Variants in ATRNL1 observed in about 807,000 individuals in gnomAD.
ATRNL1 encodes the protein attractin-like protein 1.
ATRNL1 carries 95 observed loss-of-function variants against 182.7 expected under a neutral mutation model. The observed-to-expected ratio is 0.52, with a 90% CI of 0.44 to 0.62. The LOEUF (loss-of-function observed/expected upper bound fraction) is 0.62. ATRNL1 is among the 20% of genes least tolerant of loss of function. The pLI is 0.00. For synonymous variants in ATRNL1, 576 were observed against 568.3 expected, an observed-to-expected ratio of 1.01 and a Z score of -0.19; for missense variants, 1,471 against 1,679.5, an observed-to-expected ratio of 0.88 and a Z score of 2.17.
chr10:115,097,154 G>C (rs1231744070), intron 1 of ATRNL1, among the ~76,000 whole-genome samples: 1 of 151,990 alleles, frequency 6.6e-6, no homozygotes, highest in African/African-American at 2.4e-5. Flanking sequence ...ACCCCTCTTA[G>C]GTTAGTCAAA....
At chr10:115,231,988 G>A (rs1244084432) in intron 9 of ATRNL1, among the ~76,000 whole-genome samples, 1 of 152,084 alleles carries the variant, frequency 6.6e-6, no homozygotes, top group Non-Finnish European at 1.5e-5. Flanking sequence ...CTTAATGTGC[G>A]AACGCAGAGT....
intron 19 of ATRNL1, among the ~76,000 whole-genome samples, chr10:115,388,598 T>C (rs1554953280): frequency 6.6e-6 from 1 of 152,062 alleles, no homozygotes; most frequent in East Asian, 1.9e-4. Flanking sequence ...AAGTTAAGCC[T>C]ATTCATCTTC....
intron 19 of ATRNL1, among the ~76,000 whole-genome samples, chr10:115,383,399 G>A (rs931567540): frequency 1.3e-5 from 2 of 151,632 alleles, no homozygotes; most frequent in African/African-American, 4.8e-5. Flanking sequence ...GGGTCTGTAT[G>A]GTTTGTGTCT....
chr10:115,709,254 G>C (rs542536488), intron 26 of ATRNL1, among the ~76,000 whole-genome samples: 1 of 151,756 alleles, frequency 6.6e-6, no homozygotes, highest in Non-Finnish European at 1.5e-5. Flanking sequence ...AAGAAAGCCC[G>C]AAACACTCAC....
At chr10:115,817,856 A>T (rs991812415) in intron 27 of ATRNL1, among the ~76,000 whole-genome samples, 3 of 143,896 alleles carry the variant, frequency 2.1e-5, no homozygotes, top group African/African-American at 5.2e-5. Context: ...ATTTTAGCAT[A>T]TGGCTTTGAT....
chr10:115,773,850 G>A (rs1195447139), intron 27 of ATRNL1, among the ~76,000 whole-genome samples: 2 of 152,062 alleles, frequency 1.3e-5, no homozygotes, highest in Non-Finnish European at 2.9e-5. Context: ...TGGGTTAATT[G>A]GAGGCTTTGC....
At chr10:115,831,767 G>GTCT (rs5788116) in intron 27 of ATRNL1, among the ~76,000 whole-genome samples, 174 of 136,636 alleles carry the variant, frequency 1.3e-3, no homozygotes, top group Admixed American at 1.2e-3. Context: ...AGTCAAGTGA[G>GTCT]TTTTTTTTTT....
intron 27 of ATRNL1, among the ~76,000 whole-genome samples, chr10:115,752,072 A>G (rs1948463895): frequency 1.3e-5 from 2 of 152,056 alleles, no homozygotes; most frequent in Admixed American, 6.6e-5. Flanking sequence ...TGCACAAGTT[A>G]GAATTAATAT....
intron 27 of ATRNL1, among the ~76,000 whole-genome samples, chr10:115,846,312 C>A (rs1195564368): frequency 6.6e-6 from 1 of 151,896 alleles, no homozygotes; most frequent in African/African-American, 2.4e-5. Flanking sequence ...TCCTTTATAA[C>A]CACATAAAAC....
chr10:115,114,443 G>A (rs1293479740), intron 1 of ATRNL1, among the ~76,000 whole-genome samples: 3 of 152,130 alleles, frequency 2.0e-5, no homozygotes, highest in African/African-American at 7.2e-5. Flanking sequence ...ATAACAGAGT[G>A]AAGAGACAAC....
intron 24 of ATRNL1, among the ~76,000 whole-genome samples, chr10:115,481,682 A>G (rs1399342763): frequency 6.6e-6 from 1 of 150,776 alleles, no homozygotes; most frequent in Non-Finnish European, 1.5e-5. Context: ...TCTATTTATA[A>G]AATATTTACT....
intron 24 of ATRNL1, among the ~76,000 whole-genome samples, chr10:115,502,704 C>T (rs1849905997): frequency 6.6e-6 from 1 of 151,906 alleles, no homozygotes; most frequent in South Asian, 2.1e-4. Flanking sequence ...CTTAATGTGC[C>T]TTTGACATTA....
At chr10:115,333,542 G>C (rs1328936753) in intron 18 of ATRNL1, among the ~76,000 whole-genome samples, 1 of 145,280 alleles carries the variant, frequency 6.9e-6, no homozygotes, top group Non-Finnish European at 1.5e-5. Flanking sequence ...GGAGTGCACT[G>C]GCACGATCTC....
At chr10:115,611,709 T>C (rs1326507886) in intron 26 of ATRNL1, among the ~76,000 whole-genome samples, 1 of 152,132 alleles carries the variant, frequency 6.6e-6, no homozygotes, top group Non-Finnish European at 1.5e-5. Context: ...TTATTAATAT[T>C]AAGATGATTA....
intron 26 of ATRNL1, among the ~76,000 whole-genome samples, chr10:115,615,275 T>C (rs927535498): frequency 6.6e-6 from 1 of 150,640 alleles, no homozygotes; most frequent in Admixed American, 6.6e-5. Context: ...TTTTAAATAA[T>C]ATCTTGTAGG....
At chr10:115,168,026 ACTTT>A (rs1417695290) in intron 7 of ATRNL1, among the ~76,000 whole-genome samples, 3 of 152,066 alleles carry the variant, frequency 2.0e-5, no homozygotes, top group Non-Finnish European at 4.4e-5. Flanking sequence ...TCACAAAGCT[ACTTT>A]CTTTCTCTAT....
At chr10:115,607,109 A>T (rs1856914265) in intron 26 of ATRNL1, among the ~76,000 whole-genome samples, 1 of 151,946 alleles carries the variant, frequency 6.6e-6, no homozygotes, top group Admixed American at 6.6e-5. Flanking sequence ...TAATCAATAT[A>T]TTTTTCATCT....
intron 27 of ATRNL1, among the ~76,000 whole-genome samples, chr10:115,792,785 A>C (rs1345284949): frequency 6.6e-6 from 1 of 151,994 alleles, no homozygotes; most frequent in Non-Finnish European, 1.5e-5. Flanking sequence ...TGATAGCTAA[A>C]ATTATTATAT....
chr10:115,323,416 TCC>T (rs1564913744), intron 18 of ATRNL1, among the ~76,000 whole-genome samples: 1 of 44,314 alleles, frequency 2.3e-5, no homozygotes, highest in African/African-American at 7.4e-5. Flanking sequence ...TCCCCTCCCC[TCC>T]CCTCCCCTCC....
Sources: gnomAD v4.1 joint callset for allele counts (sites outside exome capture counted in the v4.1 genomes callset) on GRCh38, gnomAD v4.1.1 for gene constraint, MANE v1.5 for transcripts, NCBI Gene and HGNC (gene_info 2026-07-23, HGNC 2026-07-21) for gene names.